Variants in SLC25A21 observed in about 807,000 individuals in gnomAD.
SLC25A21 encodes the protein solute carrier family 25 member 21, also known as mitochondrial 2-oxodicarboxylate carrier.
In SLC25A21, 47 loss-of-function variants were observed where a neutral mutation model predicts 43.8. The observed-to-expected ratio is 1.07, with a 90% CI of 0.85 to 1.37. The LOEUF (loss-of-function observed/expected upper bound fraction) is 1.37. Ranked by LOEUF, SLC25A21 falls within the 40% of genes most tolerant of loss-of-function variation. SLC25A21 has a pLI of 0.00. For missense variants in SLC25A21, 352 were observed against 350.2 expected (o/e 1.00, Z -0.04); for synonymous variants, 131 against 121.3 (o/e 1.08, Z -0.52).
intron 6 of SLC25A21, among the ~76,000 whole-genome samples, chr14:36,723,061 G>T (rs2139207974): frequency 6.6e-6 from 1 of 152,260 alleles, no homozygotes; most frequent in East Asian, 1.9e-4. Flanking sequence ...GTTAACTAAA[G>T]GTTATCTATC....
chr14:36,846,861 G>A (rs912981971), intron 2 of SLC25A21, among the ~76,000 whole-genome samples: 3 of 152,146 alleles, frequency 2.0e-5, no homozygotes, highest in African/African-American at 4.8e-5. Flanking sequence ...AAACAAGCAG[G>A]CAAATAATGT....
chr14:36,894,851 T>C (rs532663728), intron 1 of SLC25A21, among the ~76,000 whole-genome samples: 1 of 152,352 alleles, frequency 6.6e-6, no homozygotes, highest in South Asian at 2.1e-4. Context: ...TTTATTGATT[T>C]GTGTATGTTG....
rs138659910 is a variant in SLC25A21, at chr14:36,896,368, C to T, written c.71-21364G>A. Among the ~76,000 whole-genome samples, 340 of 152,068 alleles carry T rather than the reference C, an allele frequency of 2.2e-3. 1 individual carries two copies. The highest frequency in any genetic ancestry group is 7.0e-3 in the African/African-American group (288 of 41,396). Reference sequence around the variant, plus strand: ...TCAGAGACTAGGATTGCAACTCCTGCCTTTTTTTGTTTTCCATTTGCTTGG... The same window carrying T: ...TCAGAGACTAGGATTGCAACTCCTGTCTTTTTTTGTTTTCCATTTGCTTGG... On this transcript the variant is annotated intron_variant, in intron 1 of 9. Transcript: ENST00000331299.
intron 1 of SLC25A21, among the ~76,000 whole-genome samples, chr14:37,029,982 C>G (rs1008055848): frequency 2.6e-5 from 4 of 151,896 alleles, no homozygotes; most frequent in Non-Finnish European, 4.4e-5. Context: ...CCAGGCTGGT[C>G]TCAAACTCCT....
At chr14:36,969,851 A>G (rs1959711026) in intron 1 of SLC25A21, among the ~76,000 whole-genome samples, 1 of 151,938 alleles carries the variant, frequency 6.6e-6, no homozygotes, top group Non-Finnish European at 1.5e-5. Context: ...GGCAGATGCA[A>G]GCAGGAGGGT....
At chr14:37,040,494 G>A (rs1483941297) in intron 1 of SLC25A21, among the ~76,000 whole-genome samples, 1 of 151,920 alleles carries the variant, frequency 6.6e-6, no homozygotes, top group Non-Finnish European at 1.5e-5. Context: ...GTTCTATGTT[G>A]ACTGGCATGG....
intron 2 of SLC25A21, among the ~76,000 whole-genome samples, chr14:36,854,876 G>A (rs554220450): frequency 6.7e-6 from 1 of 148,790 alleles, no homozygotes; most frequent in African/African-American, 2.5e-5. Context: ...ACAGTGTACA[G>A]AAAGCTGCAG....
Position 36,829,996 on chromosome 14 carries a change from T to C in SLC25A21, c.120-15995A>G, listed in dbSNP as rs763194423. ...CTGACTATTGCTTTCTACACGACTG[T>C]GTATTGTGACCAGTGAATATTTCTA... On this transcript the variant is annotated intron_variant, in intron 2 of 9. Coordinates refer to ENST00000331299, the MANE Select transcript of SLC25A21 (RefSeq NM_030631.4). Among the ~76,000 whole-genome samples the C allele has an allele frequency of 3.3e-5, 5 of 152,230 alleles. No homozygotes were observed. In the South Asian group the frequency reaches 6.2e-4, roughly 19 times the overall value.
chr14:36,893,522 T>C (rs1891146066), intron 1 of SLC25A21, among the ~76,000 whole-genome samples: 1 of 152,224 alleles, frequency 6.6e-6, no homozygotes, highest in Admixed American at 6.5e-5. Context: ...TAGTTTCTTT[T>C]GCTGTGCAGA....
rs529148566 is a variant in SLC25A21, at chr14:36,881,361, G to A, written c.71-6357C>T. ...TTAAAATGTAAATGTGTGTGTGTGT[G>A]TGTGTACACATGAGGAAGTAGTTCT... On this transcript the variant is annotated intron_variant, in intron 1 of 9. Coordinates refer to ENST00000331299, the MANE Select transcript of SLC25A21 (RefSeq NM_030631.4). Among the ~76,000 whole-genome samples, 174 of 152,152 alleles carry A rather than the reference G, an allele frequency of 1.1e-3. 1 individual carries two copies. The highest frequency in any genetic ancestry group is 4.0e-3 in the African/African-American group (164 of 41,474).
chr14:37,149,866 T>G (rs1389082831), intron 1 of SLC25A21, among the ~76,000 whole-genome samples: 1 of 152,160 alleles, frequency 6.6e-6, no homozygotes, highest in African/African-American at 2.4e-5. Flanking sequence ...ATTTAAAAAT[T>G]TTTTAAAGAC....
intron 2 of SLC25A21, among the ~76,000 whole-genome samples, chr14:36,834,792 A>T (rs1207521799): frequency 6.6e-6 from 1 of 152,188 alleles, no homozygotes; most frequent in Non-Finnish European, 1.5e-5. Flanking sequence ...GTCAAATGTC[A>T]ATGAGATCAA....
intron 1 of SLC25A21, among the ~76,000 whole-genome samples, chr14:37,131,549 G>A (rs2138906317): frequency 6.6e-6 from 1 of 152,300 alleles, no homozygotes; most frequent in East Asian, 1.9e-4. Flanking sequence ...AAAATGACTT[G>A]TGGATTTTTT....
chr14:37,154,388 G>C (rs1439460696), intron 1 of SLC25A21, among the ~76,000 whole-genome samples: 1 of 151,954 alleles, frequency 6.6e-6, no homozygotes, highest in African/African-American at 2.4e-5. Context: ...TCCTACAAAA[G>C]TAAGTTCAAA....
intron 1 of SLC25A21, among the ~76,000 whole-genome samples, chr14:37,018,482 C>A (rs769682313): frequency 2.6e-5 from 4 of 151,988 alleles, no homozygotes; most frequent in African/African-American, 7.2e-5. Context: ...GTCAGTTATA[C>A]CTCAATAAAG....
intron 1 of SLC25A21, among the ~76,000 whole-genome samples, chr14:36,914,033 A>T (rs1286984670): frequency 6.6e-6 from 1 of 152,236 alleles, no homozygotes; most frequent in Non-Finnish European, 1.5e-5. Context: ...TTCCCTTAAC[A>T]AGTAACTTTT....
intron 1 of SLC25A21, among the ~76,000 whole-genome samples, chr14:37,116,397 C>A (rs1404673660): frequency 1.3e-5 from 2 of 152,152 alleles, no homozygotes; most frequent in African/African-American, 4.8e-5. Context: ...AATGGTACTA[C>A]AAGGCATATT....
intron 3 of SLC25A21, among the ~76,000 whole-genome samples, chr14:36,757,711 A>G (rs1270449048): frequency 5.3e-5 from 8 of 152,210 alleles, no homozygotes; most frequent in Admixed American, 5.2e-4. Flanking sequence ...CATTCTGCTT[A>G]TATTGAAAAT....
At chr14:37,005,685 T>C (rs1365090483) in intron 1 of SLC25A21, among the ~76,000 whole-genome samples, 1 of 150,248 alleles carries the variant, frequency 6.7e-6, no homozygotes, top group Non-Finnish European at 1.5e-5. Flanking sequence ...CATGTGTAGA[T>C]ACACACACAC....
Sources: gnomAD v4.1 joint callset for allele counts (sites outside exome capture counted in the v4.1 genomes callset) on GRCh38, gnomAD v4.1.1 for gene constraint, MANE v1.5 for transcripts, NCBI Gene and HGNC (gene_info 2026-07-23, HGNC 2026-07-21) for gene names.